The following DPP6 variants were observed in gnomAD, a reference collection of about 807,000 sequenced individuals.
DPP6 encodes the protein dipeptidyl peptidase like 6.
In DPP6, 69 loss-of-function variants were observed where a neutral mutation model predicts 122.6. That is an observed-to-expected ratio of 0.56 (90% CI 0.46 to 0.69). The LOEUF is 0.69. Among genes scored for constraint, DPP6 ranks in the 30% least tolerant of loss-of-function variants. DPP6 has a pLI of 0.00. For synonymous variants in DPP6, 418 were observed against 433.1 expected (o/e 0.97, Z 0.43); for missense variants, 928 against 1,116.9 (o/e 0.83, Z 2.41).
intron 16 of DPP6, among the ~76,000 whole-genome samples, chr7:154,829,315 C>T (rs559383199): frequency 4.0e-5 from 6 of 151,246 alleles, no homozygotes; most frequent in South Asian, 4.2e-4. Flanking sequence ...CCTGGGAGGT[C>T]GAGGCTGCAG....
chr7:154,802,993 A>G (rs1798465760), intron 13 of DPP6, among the ~76,000 whole-genome samples: 1 of 152,208 alleles, frequency 6.6e-6, no homozygotes, highest in African/African-American at 2.4e-5. Flanking sequence ...CACCTCCTGC[A>G]GGTTCCCAGG....
chr7:154,778,976 C>T (rs2150396896), intron 10 of DPP6, among the ~76,000 whole-genome samples: 2 of 149,166 alleles, frequency 1.3e-5, no homozygotes, highest in African/African-American at 2.5e-5. Context: ...CCGCTACCAC[C>T]ATCACCTCCA....
intron 1 of DPP6, among the ~76,000 whole-genome samples, chr7:154,154,361 C>T (rs1304650246): frequency 6.6e-6 from 1 of 152,184 alleles, no homozygotes; most frequent in East Asian, 1.9e-4. Context: ...GTGTGATGTT[C>T]GGGCTTAAGG....
At chr7:154,629,448 CTG>C (rs1835280104) in intron 5 of DPP6, among the ~76,000 whole-genome samples, 1 of 151,540 alleles carries the variant, frequency 6.6e-6, no homozygotes, top group African/African-American at 2.4e-5. Flanking sequence ...TTTCTTTTCT[CTG>C]TCTCATCTGC....
At chr7:154,756,438 C>A (rs762176714) in intron 8 of DPP6, among the ~76,000 whole-genome samples, 1 of 152,134 alleles carries the variant, frequency 6.6e-6, no homozygotes, top group South Asian at 2.1e-4. Context: ...GACGATTTTA[C>A]GGATAATAGT....
At chr7:154,740,793 C>T (rs1563158429) in intron 8 of DPP6, among the ~76,000 whole-genome samples, 1 of 152,140 alleles carries the variant, frequency 6.6e-6, no homozygotes, top group Non-Finnish European at 1.5e-5. Flanking sequence ...CCCCTTTCGT[C>T]ACCCCCACAC....
chr7:154,309,704 TGTG>T (rs2150995029), intron 1 of DPP6, among the ~76,000 whole-genome samples: 1 of 152,210 alleles, frequency 6.6e-6, no homozygotes, highest in African/African-American at 2.4e-5. Flanking sequence ...TTAAGATAAA[TGTG>T]GTAACAGGAA....
intron 1 of DPP6, among the ~76,000 whole-genome samples, chr7:154,013,462 T>TTTC (rs201274538): frequency 1.5e-4 from 22 of 148,926 alleles, no homozygotes; most frequent in Admixed American, 1.3e-3. Flanking sequence ...TCTTTTCTTT[T>TTTC]TTTTTTTTTT....
At chr7:153,890,828 A>T (rs1211048770) in intron 1 of DPP6, among the ~76,000 whole-genome samples, 1 of 142,966 alleles carries the variant, frequency 7.0e-6, no homozygotes, top group Non-Finnish European at 1.5e-5. Flanking sequence ...GTAGCTGGGG[A>T]CTACAGGCGT....
At chr7:153,870,525 C>T in the DPP6 span, among the ~76,000 whole-genome samples, 4,814 of 152,262 alleles carry the variant, frequency 0.032, 248 homozygotes, top group African/African-American at 0.11. Context: ...GACTTCTCTG[C>T]ATTAGTTATT....
At chr7:153,774,743 T>C in the DPP6 span, among the ~76,000 whole-genome samples, 5 of 152,062 alleles carry the variant, frequency 3.3e-5, no homozygotes, top group Admixed American at 3.3e-4. Context: ...GGTGGGAGGA[T>C]CACTTGAGGC....
At chr7:154,493,095 A>G (rs1210170932) in intron 3 of DPP6, among the ~76,000 whole-genome samples, 2 of 152,216 alleles carry the variant, frequency 1.3e-5, no homozygotes, top group African/African-American at 4.8e-5. Flanking sequence ...ATGAGTGCAC[A>G]GTTTGATATG....
rs3115170 is a variant in DPP6 at position 154,150,372 on chromosome 7, T to C, written c.243+97309T>C. 2.0e-5 allele frequency among the ~76,000 whole-genome samples: 3 copies of C among 152,192 alleles called. No individual in the cohort carries two copies. The South Asian group carries it at 6.2e-4, about 32-fold the overall frequency. On this transcript the variant is annotated intron_variant, in intron 1 of 25. Coordinates refer to ENST00000377770, the MANE Select transcript of DPP6 (RefSeq NM_130797.4). ...GAAACCAATCCTGGGAGCACAGGGG[T>C]ACTCGCCTGCCAACCTGCTGACCTC...
At chr7:154,870,962 C>CAAA (rs146259949) in intron 18 of DPP6, among the ~76,000 whole-genome samples, 5 of 99,034 alleles carry the variant, frequency 5.0e-5, no homozygotes, top group Admixed American at 1.0e-4. Context: ...GACTCCATCT[C>CAAA]AAAAAAAAAA....
At chr7:153,769,750 A>G in the DPP6 span, among the ~76,000 whole-genome samples, 2 of 152,240 alleles carry the variant, frequency 1.3e-5, no homozygotes, top group African/African-American at 2.4e-5. Context: ...TTTTAAATCC[A>G]CTAAAGAGAA....
intron 1 of DPP6, among the ~76,000 whole-genome samples, chr7:154,029,453 C>G (rs971264489): frequency 9.9e-5 from 15 of 151,748 alleles, no homozygotes; most frequent in Admixed American, 2.0e-4. Flanking sequence ...GGAGGCAGAG[C>G]TTGCAGTGAG....
upstream of DPP6, among the ~76,000 whole-genome samples, chr7:153,883,536 T>C (rs915812136): frequency 6.6e-6 from 1 of 152,144 alleles, no homozygotes; most frequent in Non-Finnish European, 1.5e-5. Flanking sequence ...TCCACCACCA[T>C]GCCCAGCTAA....
chr7:154,678,697 ATATTT>A (rs1232954880), intron 7 of DPP6, among the ~76,000 whole-genome samples: 2 of 152,226 alleles, frequency 1.3e-5, no homozygotes, highest in African/African-American at 4.8e-5. Context: ...AAGGAAAAGA[ATATTT>A]TATTTTGTTT....
intron 1 of DPP6, among the ~76,000 whole-genome samples, chr7:154,371,922 G>C (rs1037692134): frequency 2.6e-5 from 4 of 152,160 alleles, no homozygotes; most frequent in African/African-American, 9.7e-5. Flanking sequence ...GAAGCCAGAG[G>C]GGCCGTCGTC....
Sources: allele counts gnomAD v4.1 joint callset (sites outside exome capture counted in the v4.1 genomes callset), GRCh38; gene constraint gnomAD v4.1.1; transcripts MANE v1.5; gene names NCBI Gene and HGNC (gene_info 2026-07-23, HGNC 2026-07-21).